Variants in ATP10B observed in about 807,000 individuals in gnomAD.
ATP10B encodes ATPase phospholipid transporting 10B (putative).
ATP10B carries 122 observed loss-of-function variants against 141.2 expected under a neutral mutation model. The observed-to-expected ratio is 0.86, with a 90% CI of 0.75 to 1.00. The LOEUF is 1.00. ATP10B is among the 50% of genes least tolerant of loss of function. ATP10B has a pLI of 0.00. For synonymous variants in ATP10B, 685 were observed against 692.0 expected, an observed-to-expected ratio of 0.99 and a Z score of 0.16; for missense variants, 1,876 against 1,825.3, an observed-to-expected ratio of 1.03 and a Z score of -0.51.
chr5:160,639,127 T>C (rs1278190119), intron 10 of ATP10B: 1 of 152,348 alleles, frequency 6.6e-6, no homozygotes, highest in Non-Finnish European at 1.5e-5. Context: ...TCTCTCTTTC[T>C]GCTCACAGCT....
chr5:160,896,712 T>C, the ATP10B span, among the ~76,000 whole-genome samples: 1 of 152,192 alleles, frequency 6.6e-6, no homozygotes, highest in African/African-American at 2.4e-5. Flanking sequence ...AGTATCATCC[T>C]GATACCAAAA....
chr5:160,864,177 C>T, the ATP10B span, among the ~76,000 whole-genome samples: 16 of 151,922 alleles, frequency 1.1e-4, no homozygotes, highest in African/African-American at 2.4e-4. Flanking sequence ...AAAACATAGA[C>T]GCAAAAATCC....
At chr5:160,637,179 T>C (rs1328015989) in intron 10 of ATP10B, among the ~76,000 whole-genome samples, 1 of 151,514 alleles carries the variant, frequency 6.6e-6, no homozygotes. Context: ...CTTCTATTCA[T>C]CAGTTTTTCT....
At chr5:160,814,187 G>T (rs1026596580) in intron 1 of ATP10B, among the ~76,000 whole-genome samples, 7 of 152,128 alleles carry the variant, frequency 4.6e-5, no homozygotes, top group Non-Finnish European at 1.0e-4. Flanking sequence ...ACTACTCCGA[G>T]CTAAAGGAGG....
At chr5:160,651,908 T>G (rs1452396884) in intron 7 of ATP10B, among the ~76,000 whole-genome samples, 1 of 152,166 alleles carries the variant, frequency 6.6e-6, no homozygotes, top group Non-Finnish European at 1.5e-5. Flanking sequence ...TTCATGCCCC[T>G]GATTAAGTCA....
intron 16 of ATP10B, among the ~76,000 whole-genome samples, chr5:160,617,201 A>T (rs946174136): frequency 3.5e-4 from 53 of 152,268 alleles, no homozygotes; most frequent in African/African-American, 1.2e-3. Context: ...CTTTTGGGTG[A>T]CTCATTCGGT....
At chr5:160,776,750 T>C (rs1422263958) in intron 2 of ATP10B, among the ~76,000 whole-genome samples, 1 of 152,224 alleles carries the variant, frequency 6.6e-6, no homozygotes, top group Non-Finnish European at 1.5e-5. Context: ...GTCAGCCTAG[T>C]CATCTCTACG....
At chr5:160,867,201 C>CATAT in the ATP10B span, among the ~76,000 whole-genome samples, 48,336 of 150,324 alleles carry the variant, frequency 0.32, 8,742 homozygotes, top group East Asian at 0.43. Context: ...CATATATATG[C>CATAT]ATATATATAT....
chr5:160,577,553 G>T (rs192539325), intron 24 of ATP10B, among the ~76,000 whole-genome samples: 4 of 152,268 alleles, frequency 2.6e-5, no homozygotes, highest in African/African-American at 9.6e-5. Context: ...GGAGAGCACC[G>T]CGTCCTAGGG....
the ATP10B span, among the ~76,000 whole-genome samples, chr5:160,878,608 A>C: frequency 6.6e-6 from 1 of 152,114 alleles, no homozygotes; most frequent in Middle Eastern, 3.4e-3. Flanking sequence ...AACCTACAAA[A>C]TGGGAGAAAA....
intron 7 of ATP10B, among the ~76,000 whole-genome samples, chr5:160,653,527 A>T (rs1238732667): frequency 7.5e-6 from 1 of 134,050 alleles, no homozygotes; most frequent in African/African-American, 2.9e-5. Context: ...GTATATATAC[A>T]TATATTACAT....
At chr5:160,674,632 G>C (rs1481946847) in intron 6 of ATP10B, among the ~76,000 whole-genome samples, 1 of 152,110 alleles carries the variant, frequency 6.6e-6, no homozygotes, top group Non-Finnish European at 1.5e-5. Context: ...TTGTGGGTTT[G>C]CCTTCCCCAA....
At chr5:160,641,535 C>G (rs2127675877) in intron 9 of ATP10B, among the ~76,000 whole-genome samples, 1 of 152,282 alleles carries the variant, frequency 6.6e-6, no homozygotes, top group Admixed American at 6.5e-5. Context: ...AGGATCTGCC[C>G]AAAGTGAAAG....
chr5:160,598,711 G>T, intron 22 of ATP10B, 59 bp downstream of exon 22: 1 of 1,514,236 alleles, frequency 6.6e-7, no homozygotes, highest in Non-Finnish European at 9.1e-7. Flanking sequence ...CCTCCAGAGG[G>T]GAGGTAGAGG....
At chr5:160,576,926 T>G (rs1755229093) in intron 24 of ATP10B, among the ~76,000 whole-genome samples, 1 of 152,108 alleles carries the variant, frequency 6.6e-6, no homozygotes, top group Non-Finnish European at 1.5e-5. Context: ...GTAAGTATCA[T>G]AGGTAGATGT....
At chr5:160,788,766 G>C (rs1279689192) in intron 1 of ATP10B, among the ~76,000 whole-genome samples, 1 of 152,134 alleles carries the variant, frequency 6.6e-6, no homozygotes, top group Admixed American at 6.5e-5. Flanking sequence ...GTGCTGACTA[G>C]TTGTGTGCCT....
chr5:160,814,243 AT>A (rs1438742704), intron 1 of ATP10B, among the ~76,000 whole-genome samples: 1 of 152,128 alleles, frequency 6.6e-6, no homozygotes, highest in Non-Finnish European at 1.5e-5. Flanking sequence ...CAAAAAAAAA[AT>A]TAGATGAATG....
chr5:160,597,048 C>T (rs1201477749), intron 22 of ATP10B, among the ~76,000 whole-genome samples: 2 of 152,060 alleles, frequency 1.3e-5, no homozygotes, highest in Non-Finnish European at 2.9e-5. Flanking sequence ...AAACTACTTT[C>T]AAGTTCATAT....
the ATP10B span, among the ~76,000 whole-genome samples, chr5:160,889,947 A>G: frequency 6.6e-6 from 1 of 152,162 alleles, no homozygotes; most frequent in Non-Finnish European, 1.5e-5. Context: ...CCTTCTACAT[A>G]GAATCTTGAT....
Sources: gnomAD v4.1 joint callset for allele counts (sites outside exome capture counted in the v4.1 genomes callset) on GRCh38, gnomAD v4.1.1 for gene constraint, MANE v1.5 for transcripts, NCBI Gene and HGNC (gene_info 2026-07-23, HGNC 2026-07-21) for gene names.